Variants in ZDHHC3 observed in about 807,000 individuals in gnomAD.
ZDHHC3 encodes zDHHC palmitoyltransferase 3, also known as palmitoyltransferase ZDHHC3.
A neutral mutation model predicts 30.6 loss-of-function variants in ZDHHC3; 9 were observed. The observed-to-expected ratio is 0.29, with a 90% CI of 0.18 to 0.51. The LOEUF is 0.51. Among genes scored for constraint, ZDHHC3 ranks in the 20% least tolerant of loss-of-function variants. ZDHHC3 has a pLI of 0.97. For missense variants in ZDHHC3, 246 were observed against 384.2 expected, an observed-to-expected ratio of 0.64 and a Z score of 3.01; for synonymous variants, 136 against 140.2, an observed-to-expected ratio of 0.97 and a Z score of 0.21.
chr3:44,926,868 A>G (rs970497072), intron 6 of ZDHHC3, 21 bp from the exon 7 acceptor site: 1 of 1,590,810 alleles, frequency 6.3e-7, no homozygotes, highest in African/African-American at 1.3e-5. Context: ...GAACAATCAT[A>G]CTTTCAGTCA....
At chr3:44,950,163 T>A (rs1703315634) in intron 2 of ZDHHC3, among the ~76,000 whole-genome samples, 1 of 152,292 alleles carries the variant, frequency 6.6e-6, no homozygotes, top group South Asian at 2.1e-4. Context: ...AAAAAGTAAT[T>A]GAGTTTGGGC....
chr3:44,924,526 T>C lies in ZDHHC3; in HGVS notation c.*2163A>G, dbSNP rs778458814. On this transcript the variant is annotated 3_prime_UTR_variant, in exon 7 of 7. Transcript: ENST00000424952. ...CTCTATTGGAAAGATAAGCATAGTA[T>C]GCACAGCTTTAAAGGAGGAGTTTCT... is the stretch of plus-strand genomic sequence containing the variant. 2.2e-5 allele frequency: 22 copies of C among 985,322 alleles called. No homozygotes were observed. Among genetic ancestry groups the C allele is most frequent in the Non-Finnish European group, 3.6e-6 (3 of 829,930 alleles). 61.0% of individuals were successfully genotyped at this position (985,322 alleles called of 1,614,324 possible).
rs1700201342 is a variant in ZDHHC3, at chr3:44,916,799, T to C, written c.*9890A>G. 6.6e-6 allele frequency: 1 copy of C among 151,942 alleles called. No homozygotes were observed. Among genetic ancestry groups the C allele is most frequent in the Non-Finnish European group, 1.5e-5 (1 of 68,032 alleles). The allele number at this position is 151,942 out of a possible 1,614,324, so 9.4% of individuals were successfully genotyped here. A position where few individuals can be genotyped will look rare whatever the true frequency, so the allele number is the denominator to read the frequency against. ...CAGACACCACAGGCTTCAAATGGGG[T>C]GAATAGAGGGCAGACTCATCCTGGT... On this transcript the variant is annotated 3_prime_UTR_variant, in exon 7 of 7. Coordinates refer to ENST00000424952, the MANE Select transcript of ZDHHC3 (RefSeq NM_001135179.2).
In ZDHHC3 at chr3:44,919,702, G is replaced by T. The variant is rs895022341; in HGVS notation, c.*6987C>A. On this transcript the variant is annotated 3_prime_UTR_variant, in exon 7 of 7. Transcript: ENST00000424952. The stretch of plus-strand genomic sequence containing the variant: ...GAATAAGGTACATACATTAGTTAAG[G>T]GTATGGTGTTGCCAATGTCCAGGGT... 5.1e-6 allele frequency: 1 copy of T among 195,936 alleles called. No homozygotes were observed. Among genetic ancestry groups the T allele is most frequent in the South Asian group, 1.8e-4 (1 of 5,630 alleles). 12.1% of individuals were successfully genotyped at this position (195,936 alleles called of 1,614,324 possible).
Position 44,916,284 on chromosome 3 carries a change from A to C in ZDHHC3, c.*10405T>G, listed in dbSNP as rs901934260. ...TAACCCCAGGCCCTAGTGGGTCATC[A>C]GTTGTAGAGAGACGGTCTCTGGCAG... On this transcript the variant is annotated 3_prime_UTR_variant, in exon 7 of 7. Transcript: ENST00000424952. The C allele has an allele frequency of 7.2e-5, 11 of 152,252 alleles. No individual in the cohort carries two copies. Among genetic ancestry groups the C allele is most frequent in the African/African-American group, 2.7e-4 (11 of 41,462 alleles). 9.4% of individuals were successfully genotyped at this position (152,252 alleles called of 1,614,324 possible). A position where few individuals can be genotyped will look rare whatever the true frequency, so the allele number is the denominator to read the frequency against.
At chr3:44,942,408 C>T (rs1445644206) in intron 3 of ZDHHC3, among the ~76,000 whole-genome samples, 1 of 152,190 alleles carries the variant, frequency 6.6e-6, no homozygotes, top group Non-Finnish European at 1.5e-5. Context: ...CACTTTAGTT[C>T]ATCTGAATCA....
At chr3:44,968,601 T>C (rs1223077497) in intron 1 of ZDHHC3, among the ~76,000 whole-genome samples, 1 of 152,128 alleles carries the variant, frequency 6.6e-6, no homozygotes, top group African/African-American at 2.4e-5. Context: ...GAAGCTGAGA[T>C]AGGAGGATCG....
At chr3:44,970,425 C>T (rs1705315575) in intron 1 of ZDHHC3, among the ~76,000 whole-genome samples, 1 of 152,342 alleles carries the variant, frequency 6.6e-6, no homozygotes, top group South Asian at 2.1e-4. Context: ...CTGCCACTCG[C>T]TAACCTCATG....
At chr3:44,960,692 A>G (rs1393086640) in intron 1 of ZDHHC3, among the ~76,000 whole-genome samples, 1 of 152,192 alleles carries the variant, frequency 6.6e-6, no homozygotes, top group Admixed American at 6.5e-5. Context: ...CACTCATAGC[A>G]CAGGCTACAA....
intron 3 of ZDHHC3, among the ~76,000 whole-genome samples, chr3:44,940,030 G>C (rs549439762): frequency 4.6e-5 from 7 of 152,340 alleles, no homozygotes; most frequent in Admixed American, 4.6e-4. Flanking sequence ...CCAGAAGGGT[G>C]CTGGGGCTGG....
Position 44,921,956 on chromosome 3 carries a change from A to T in ZDHHC3, c.*4733T>A, listed in dbSNP as rs1410609979. The T allele has an allele frequency of 1.0e-6, 1 of 985,260 alleles. No individual in the cohort carries two copies. Among genetic ancestry groups the T allele is most frequent in the East Asian group, 1.1e-4 (1 of 8,820 alleles). The allele number at this position is 985,260 out of a possible 1,614,324, so 61.0% of individuals were successfully genotyped here. ...TGCAGCGCTTGTCCTCACTCCTTGG[A>T]TCAGCTTCATCGGCTCCTCCTGTGG... On this transcript the variant is annotated 3_prime_UTR_variant, in exon 7 of 7. Coordinates refer to ENST00000424952, the MANE Select transcript of ZDHHC3 (RefSeq NM_001135179.2).
chr3:44,970,404 T>A (rs1705312584), intron 1 of ZDHHC3, among the ~76,000 whole-genome samples: 1 of 152,222 alleles, frequency 6.6e-6, no homozygotes, highest in Non-Finnish European at 1.5e-5. Flanking sequence ...GGCCAGAGTT[T>A]ACTCCCAATC....
chr3:44,919,700 AG>A lies in ZDHHC3; in HGVS notation c.*6988del, dbSNP rs1276934351. ...GTGAATAAGGTACATACATTAGTTA[AG>A]GGTATGGTGTTGCCAATGTCCAGGG... is the stretch of plus-strand genomic sequence containing the variant. On this transcript the variant is annotated 3_prime_UTR_variant, in exon 7 of 7. Transcript: ENST00000424952. 1 of 194,574 alleles carries A rather than the reference AG, an allele frequency of 5.1e-6. No homozygotes were observed. The allele number at this position is 194,574 out of a possible 1,614,324, so 12.1% of individuals were successfully genotyped here.
chr3:44,928,440 C>T (rs972037995), intron 6 of ZDHHC3, among the ~76,000 whole-genome samples: 2 of 152,110 alleles, frequency 1.3e-5, no homozygotes, highest in African/African-American at 4.8e-5. Context: ...CACCCAGAGC[C>T]CTAGACCACT....
Position 44,926,624 on chromosome 3 carries a change from A to C in ZDHHC3, c.*65T>G. On this transcript the variant is annotated 3_prime_UTR_variant, in exon 7 of 7. Coordinates refer to ENST00000424952, the MANE Select transcript of ZDHHC3 (RefSeq NM_001135179.2). ...CTTTTTCGATTTAAACATTCATGAG[A>C]ACGGATGGGACGGTAGTGCTGTGGT... The C allele has an allele frequency of 3.6e-6, 5 of 1,406,298 alleles. No individual in the cohort carries two copies. In the South Asian group the frequency reaches 9.3e-5, roughly 26 times the overall value. 87.1% of individuals were successfully genotyped at this position (1,406,298 alleles called of 1,614,324 possible).
chr3:44,920,935 G>A lies in ZDHHC3; in HGVS notation c.*5754C>T. The stretch of plus-strand genomic sequence containing the variant: ...TCCGATGTATAAAAATGGGCTGAGG[G>A]CTGCTTTTTCCTGGTAGGACTCAAT... On this transcript the variant is annotated 3_prime_UTR_variant, in exon 7 of 7. Transcript: ENST00000424952. 1.0e-6 allele frequency: 1 copy of A among 985,414 alleles called. No individual in the cohort carries two copies. 61.0% of individuals were successfully genotyped at this position (985,414 alleles called of 1,614,324 possible). A position where few individuals can be genotyped will look rare whatever the true frequency, so the allele number is the denominator to read the frequency against.
At chr3:44,942,067 G>C (rs1382307672) in intron 3 of ZDHHC3, among the ~76,000 whole-genome samples, 1 of 152,236 alleles carries the variant, frequency 6.6e-6, no homozygotes, top group East Asian at 1.9e-4. Flanking sequence ...GGGCTGGAAG[G>C]AACACCTACA....
At chr3:44,955,457 T>TATATATATATA (rs1553691496) in intron 2 of ZDHHC3, among the ~76,000 whole-genome samples, 149 of 143,958 alleles carry the variant, frequency 1.0e-3, no homozygotes, top group Middle Eastern at 3.6e-3. Context: ...CACAAGGTTT[T>TATATATATATA]TATATATATA....
At position 44,929,401 on chromosome 3, in the gene ZDHHC3, G is replaced by C. The variant is rs1450943656; in HGVS notation, c.646C>G (p.Leu216Val). 6.2e-7 allele frequency: 1 copy of C among 1,613,998 alleles called. No individual in the cohort carries two copies. The highest frequency in any genetic ancestry group is 8.5e-7 in the Non-Finnish European group (1 of 1,179,982). ...SSFSPPTTVI[L>V]LILLCFEGLL... Reference sequence around the variant, plus strand: ...CCCTCAAAGCACAGCAGGATAAGGAGAATCACTGTGGTGGGTGGAGAGAAG... The same window carrying C: ...CCCTCAAAGCACAGCAGGATAAGGACAATCACTGTGGTGGGTGGAGAGAAG... Residue 216 changes from leucine (L) to valine (V), a missense_variant, in exon 6 of 7, where the codon CTC (leucine) becomes GTC (valine). By Grantham distance (32) the Leu-to-Val change is conservative. Transcript: ENST00000424952.
Sources: gnomAD v4.1 joint callset for allele counts (sites outside exome capture counted in the v4.1 genomes callset) on GRCh38, gnomAD v4.1.1 for gene constraint, MANE v1.5 for transcripts, NCBI Gene and HGNC (gene_info 2026-07-23, HGNC 2026-07-21) for gene names.